Variants in NTAQ1 observed in about 807,000 individuals in gnomAD.
NTAQ1 encodes protein N-terminal glutamine amidohydrolase.
A neutral mutation model predicts 28.2 loss-of-function variants in NTAQ1; 21 were observed. The observed-to-expected ratio is 0.74, with a 90% CI of 0.53 to 1.07. NTAQ1 has a LOEUF of 1.07. NTAQ1 is among the 50% of genes least tolerant of loss of function. The pLI is 0.00. For synonymous variants in NTAQ1, 105 were observed against 90.0 expected, an observed-to-expected ratio of 1.17 and a Z score of -0.94; for missense variants, 264 against 256.6, an observed-to-expected ratio of 1.03 and a Z score of -0.20.
chr8:123,427,702 G>T (rs1814148149), intron 1 of NTAQ1, among the ~76,000 whole-genome samples: 1 of 152,156 alleles, frequency 6.6e-6, no homozygotes, highest in Admixed American at 6.6e-5. Flanking sequence ...GCACTGCTAG[G>T]GGAGGTAATT....
At chr8:123,457,627 G>A (rs575294002) in intron 6 of NTAQ1, among the ~76,000 whole-genome samples, 2 of 152,236 alleles carry the variant, frequency 1.3e-5, no homozygotes, top group African/African-American at 4.8e-5. Flanking sequence ...TGGTAATATT[G>A]GTTGCTTCTG....
At chr8:123,438,012 A>G (rs1446364693) in intron 5 of NTAQ1, 2 of 586,550 alleles carry the variant, frequency 3.4e-6, no homozygotes, top group African/African-American at 3.7e-5. Context: ...GGTGAAAGAA[A>G]TCCCCATTGC....
At chr8:123,421,192 C>T (rs1156697364) in intron 1 of NTAQ1, among the ~76,000 whole-genome samples, 1 of 151,576 alleles carries the variant, frequency 6.6e-6, no homozygotes, top group Non-Finnish European at 1.5e-5. Flanking sequence ...TCAATTCTCC[C>T]ACTTCAGTCT....
downstream of NTAQ1, among the ~76,000 whole-genome samples, chr8:123,446,998 T>G (rs1815317759): frequency 6.6e-6 from 1 of 151,586 alleles, no homozygotes; most frequent in African/African-American, 2.4e-5. Context: ...GGTTCTGTTA[T>G]CATCTGTGCC....
rs577877415 is a variant in NTAQ1 at position 123,440,146 on chromosome 8, C to CTTTTTTTTTTTT, written c.509-1144_509-1133dup. On this transcript the variant is annotated intron_variant, in intron 5 of 5. Coordinates refer to ENST00000287387, the MANE Select transcript of NTAQ1 (RefSeq NM_018024.3). Reference sequence around the variant, plus strand: ...CCACCACGCTGGCCAGGATTAACTCCTTTTTTTTTTTTTTTTTTTTTTTTT... The same window carrying CTTTTTTTTTTTT: ...CCACCACGCTGGCCAGGATTAACTCCTTTTTTTTTTTTTTTTTTTTTTTTTTTTTTTTTTTTT... Among the ~76,000 whole-genome samples, 41 of 56,570 alleles carry CTTTTTTTTTTTT rather than the reference C, an allele frequency of 7.2e-4. 4 individuals carry two copies. Among genetic ancestry groups the CTTTTTTTTTTTT allele is most frequent in the African/African-American group, 3.0e-3 (40 of 13,274 alleles). 37.1% of individuals were successfully genotyped at this position (56,570 alleles called of 152,430 possible). A position where few individuals can be genotyped will look rare whatever the true frequency, so the allele number is the denominator to read the frequency against.
chr8:123,472,729 C>T (rs1233813360), downstream of NTAQ1, among the ~76,000 whole-genome samples: 1 of 152,226 alleles, frequency 6.6e-6, no homozygotes, highest in Non-Finnish European at 1.5e-5. Context: ...ATGTCACATT[C>T]TAAAGTTCTG....
intron 1 of NTAQ1, among the ~76,000 whole-genome samples, chr8:123,417,442 G>T (rs1250736151): frequency 6.6e-6 from 1 of 152,144 alleles, no homozygotes; most frequent in East Asian, 1.9e-4. Flanking sequence ...ATCCCCAGTT[G>T]AAAGATGAGA....
At chr8:123,436,009 A>G (rs1164211881) in intron 3 of NTAQ1, among the ~76,000 whole-genome samples, 1 of 151,374 alleles carries the variant, frequency 6.6e-6, no homozygotes. Context: ...CTCTACTAAA[A>G]ATACAAAAAA....
chr8:123,449,967 A>ATG (rs1815438529), downstream of NTAQ1, among the ~76,000 whole-genome samples: 2 of 62,236 alleles, frequency 3.2e-5, 1 homozygote, highest in Admixed American at 4.0e-4. Flanking sequence ...ATATATATAT[A>ATG]TATATATGCT....
chr8:123,438,764 G>T (rs11989576), intron 5 of NTAQ1, among the ~76,000 whole-genome samples: 54,940 of 151,758 alleles, frequency 0.36, 10,045 homozygotes, highest in East Asian at 0.56. Context: ...ACTAAGAGAG[G>T]GTTCAAACTC....
intron 6 of NTAQ1, among the ~76,000 whole-genome samples, chr8:123,460,467 G>A (rs1303628965): frequency 6.6e-6 from 1 of 152,162 alleles, no homozygotes; most frequent in Non-Finnish European, 1.5e-5. Context: ...TGAGGGCATT[G>A]CTTCTTGTGC....
intron 6 of NTAQ1, among the ~76,000 whole-genome samples, chr8:123,458,623 T>C (rs1278617291): frequency 6.6e-6 from 1 of 151,574 alleles, no homozygotes; most frequent in Non-Finnish European, 1.5e-5. Flanking sequence ...TGGTACTTTC[T>C]TTCTTTTTTT....
intron 6 of NTAQ1, among the ~76,000 whole-genome samples, chr8:123,455,421 A>ATTTTTT (rs925294146): frequency 4.2e-4 from 48 of 115,452 alleles, no homozygotes; most frequent in African/African-American, 1.5e-3. Flanking sequence ...ATGCCCAGAA[A>ATTTTTT]TTTTTTTTTT....
At chr8:123,424,072 G>GTTTT (rs35733686) in intron 1 of NTAQ1, among the ~76,000 whole-genome samples, 1,310 of 85,820 alleles carry the variant, frequency 0.015, 172 homozygotes, top group South Asian at 0.034. Context: ...ATTTTTATGC[G>GTTTT]TTTTTTTTTT....
chr8:123,461,860 G>A (rs1181724022), intron 6 of NTAQ1, among the ~76,000 whole-genome samples: 1 of 152,118 alleles, frequency 6.6e-6, no homozygotes, highest in Admixed American at 6.5e-5. Context: ...CTTGACATGG[G>A]GCACAAGAGT....
At chr8:123,424,072 G>GTTT (rs35733686) in intron 1 of NTAQ1, among the ~76,000 whole-genome samples, 25,837 of 85,706 alleles carry the variant, frequency 0.3, 5,782 homozygotes, top group South Asian at 0.4. Flanking sequence ...ATTTTTATGC[G>GTTT]TTTTTTTTTT....
chr8:123,441,346 C>T lies in NTAQ1; in HGVS notation c.549C>T (p.Pro183=), dbSNP rs1417210025. The change falls in exon 6 of 6, where the codon CCC becomes CCT. Residue 183 remains proline (P), a synonymous_variant. Transcript: ENST00000287387. ...MNLNDFISMD[P]KVGWGAVYTL... ...TGAACGATTTCATCAGTATGGATCC[C>T]AAGGTAGGATGGGGCGCCGTCTACA... The T allele has an allele frequency of 1.9e-6, 3 of 1,611,902 alleles. No individual in the cohort carries two copies. The highest frequency in any genetic ancestry group is 2.7e-5 in the African/African-American group (2 of 74,630).
intron 6 of NTAQ1, among the ~76,000 whole-genome samples, chr8:123,447,757 A>C (rs2130364171): frequency 6.6e-6 from 1 of 152,186 alleles, no homozygotes; most frequent in East Asian, 1.9e-4. Flanking sequence ...TCATATAAAA[A>C]TATGTTTGTA....
At chr8:123,454,427 G>C (rs186554195) in intron 6 of NTAQ1, among the ~76,000 whole-genome samples, 187 of 152,152 alleles carry the variant, frequency 1.2e-3, no homozygotes, top group African/African-American at 4.1e-3. Flanking sequence ...GGAGTGCAAT[G>C]GTGCGATCTC....
Sources: allele counts gnomAD v4.1 joint callset (sites outside exome capture counted in the v4.1 genomes callset), GRCh38; gene constraint gnomAD v4.1.1; transcripts MANE v1.5; gene names NCBI Gene and HGNC (gene_info 2026-07-23, HGNC 2026-07-21).